CCL25: variants seen among roughly 807,000 people sequenced by gnomAD.
CCL25 encodes C-C motif chemokine 25.
CCL25 carries 14 observed loss-of-function variants against 19.9 expected under a neutral mutation model. That is an observed-to-expected ratio of 0.70 (90% CI 0.47 to 1.10). The LOEUF (loss-of-function observed/expected upper bound fraction) is 1.10. Among genes scored for constraint, CCL25 ranks in the 50% least tolerant of loss-of-function variants. CCL25 has a pLI of 0.00. For synonymous variants in CCL25, 68 were observed against 73.2 expected, an observed-to-expected ratio of 0.93 and a Z score of 0.36; for missense variants, 151 against 181.2, an observed-to-expected ratio of 0.83 and a Z score of 0.96.
Position 8,056,511 on chromosome 19 carries a change from C to T in CCL25, c.325+12C>T. On this transcript the variant is annotated intron_variant, in intron 4 of 5. Coordinates refer to ENST00000315626, the MANE Select transcript of CCL25 (RefSeq NM_005624.4). ...GCAGACCTTCCAAGGTGGGCAAGAC[C>T]TCTGCTGGGCATCTAGGGGGCCTGC... is the stretch of plus-strand genomic sequence containing the variant. 1.2e-6 allele frequency: 2 copies of T among 1,613,836 alleles called. No individual in the cohort carries two copies. The highest frequency in any genetic ancestry group is 1.7e-6 in the Non-Finnish European group (2 of 1,179,904).
At chr19:8,054,382 G>C (rs1047319443) in intron 2 of CCL25, among the ~76,000 whole-genome samples, 1 of 152,222 alleles carries the variant, frequency 6.6e-6, no homozygotes, top group East Asian at 1.9e-4. Flanking sequence ...ACTGCAGTCC[G>C]AGGTTCCAAC....
At chr19:8,062,129 G>A in intron 5 of CCL25, 89 bp from the exon 6 acceptor site, 4 of 1,279,204 alleles carry the variant, frequency 3.1e-6, no homozygotes, top group Non-Finnish European at 4.6e-6. Flanking sequence ...TTTAGGAGCT[G>A]TAGGGACTGG....
chr19:8,058,699 C>T (rs1488318405), intron 5 of CCL25, among the ~76,000 whole-genome samples: 1 of 136,964 alleles, frequency 7.3e-6, no homozygotes, highest in Non-Finnish European at 1.5e-5. Flanking sequence ...CACTCTGTTG[C>T]CCAGGCTGGA....
chr19:8,061,373 C>G (rs1345499833), intron 5 of CCL25, among the ~76,000 whole-genome samples: 1 of 151,816 alleles, frequency 6.6e-6, no homozygotes, highest in Non-Finnish European at 1.5e-5. Flanking sequence ...TCTCAAACTC[C>G]TGACCTTGTG....
intron 2 of CCL25, among the ~76,000 whole-genome samples, 178 bp downstream of exon 2, chr19:8,053,300 T>C (rs1000613529): frequency 2.0e-5 from 3 of 152,070 alleles, no homozygotes; most frequent in Non-Finnish European, 2.9e-5. Flanking sequence ...GTCGGGGAGA[T>C]GGAGAGTCCC....
chr19:8,054,065 C>T (rs761967058), intron 2 of CCL25, among the ~76,000 whole-genome samples: 10 of 152,244 alleles, frequency 6.6e-5, no homozygotes, highest in East Asian at 3.9e-4. Context: ...GGATTTCAGT[C>T]GCCAAAGGAC....
At chr19:8,058,465 GTAAA>G (rs1261320200) in intron 5 of CCL25, among the ~76,000 whole-genome samples, 1 of 69,898 alleles carries the variant, frequency 1.4e-5, no homozygotes, top group African/African-American at 6.8e-5. Context: ...ATATATATAA[GTAAA>G]TATATAATAT....
chr19:8,058,032 G>T (rs1474617269), intron 5 of CCL25, 112 bp downstream of exon 5: 3 of 1,486,906 alleles, frequency 2.0e-6, no homozygotes, highest in Admixed American at 4.1e-5. Flanking sequence ...ACCCAGGAGA[G>T]GTGGTTGTGC....
Position 8,056,380 on chromosome 19 carries a change from A to G in CCL25, c.206A>G (p.Lys69Arg). The G allele has an allele frequency of 1.9e-6, 3 of 1,613,636 alleles. No individual in the cohort carries two copies. The highest frequency in any genetic ancestry group is 2.5e-6 in the Non-Finnish European group (3 of 1,179,828). ...GCTCACCACAGATTCTACCTCCCCA[A>G]GAGACACAGGAAGGTGTGTGGGAAC... is the stretch of plus-strand genomic sequence containing the variant. ...NLPAAIFYLP[K>R]RHRKVCGNPK... is the part of the protein sequence containing the mutation. The change falls in exon 4 of 6, where the codon AAG (lysine) becomes AGG (arginine). Residue 69 changes from lysine to arginine, a missense_variant. Physicochemically the swap from Lys to Arg is conservative, Grantham distance 26 (BLOSUM62 2). Transcript: ENST00000315626.
chr19:8,058,004 AG>A (rs2081284510), intron 5 of CCL25, 84 bp downstream of exon 5: 5 of 1,539,858 alleles, frequency 3.2e-6, no homozygotes, highest in Non-Finnish European at 4.4e-6. Context: ...ACACTGGGAC[AG>A]GAGATTCACC....
At position 8,060,302 on chromosome 19, in the gene CCL25, T is replaced by C. The variant is rs117986341; in HGVS notation, c.446-1916T>C. 4.6e-3 allele frequency among the ~76,000 whole-genome samples: 703 copies of C among 152,042 alleles called. 8 individuals carry two copies. Among genetic ancestry groups the C allele is most frequent in the Non-Finnish European group, 7.2e-3 (489 of 68,002 alleles). ...GTTGCAGTGAGCTATGATCATACCA[T>C]TGGAACTTCAGCCTGGGGGACAAAA... On this transcript the variant is annotated intron_variant, in intron 5 of 5. Transcript: ENST00000315626.
chr19:8,058,303 TATATA>T (rs1453270603), intron 5 of CCL25, among the ~76,000 whole-genome samples: 1 of 133,414 alleles, frequency 7.5e-6, no homozygotes, highest in Non-Finnish European at 1.5e-5. Context: ...TATATAAACA[TATATA>T]ATATATAAGT....
At chr19:8,055,623 C>T (rs959834384) in intron 2 of CCL25, among the ~76,000 whole-genome samples, 5 of 151,544 alleles carry the variant, frequency 3.3e-5, no homozygotes, top group South Asian at 2.1e-4. Context: ...CATGAGCCAC[C>T]GCGCCCGGCC....
Position 8,056,283 on chromosome 19 carries a change from T to C in CCL25, c.191+14T>C. 2 of 356,928 alleles carry C rather than the reference T, an allele frequency of 5.6e-6. No homozygotes were observed. Among genetic ancestry groups the C allele is most frequent in the Non-Finnish European group, 9.7e-6 (2 of 206,014 alleles). 22.1% of individuals were successfully genotyped at this position (356,928 alleles called of 1,614,324 possible). A position where few individuals can be genotyped will look rare whatever the true frequency, so the allele number is the denominator to read the frequency against. ...GCCTGCTGCGATGTGAGTGGGGCCG[T>C]GGGGGCTGGGGGGGTGGGGTGCACA... is the stretch of plus-strand genomic sequence containing the variant. On this transcript the variant is annotated intron_variant, in intron 3 of 5. Transcript: ENST00000315626.
Position 8,056,226 on chromosome 19 carries a change from C to A in CCL25, c.148C>A (p.Arg50=). ...WAVLRRAWTY[R]IQEVSGSCNL... is the part of the protein sequence containing the mutation. ...TGTGCTCCGGCGCGCCTGGACTTAC[C>A]GGATCCAGGAGGTGAGCGGGAGCTG... Residue 50 remains arginine, a synonymous_variant, in exon 3 of 6, where the codon CGG becomes AGG. Coordinates refer to ENST00000315626, the MANE Select transcript of CCL25 (RefSeq NM_005624.4). 1 of 1,553,664 alleles carries A rather than the reference C, an allele frequency of 6.4e-7. No individual in the cohort carries two copies.
At position 8,062,376 on chromosome 19, in the gene CCL25, C is replaced by T. The variant is rs2081324525; in HGVS notation, c.*151C>T. The T allele has an allele frequency of 1.3e-6, 1 of 759,884 alleles. No homozygotes were observed. Among genetic ancestry groups the T allele is most frequent in the Admixed American group, 2.3e-5 (1 of 44,030 alleles). 47.1% of individuals were successfully genotyped at this position (759,884 alleles called of 1,614,324 possible). ...TGAGTTGGTCCTCCCTCTGCACCCC[C>T]ACCACCTCCTGCCCGTCTGGCAACT... On this transcript the variant is annotated 3_prime_UTR_variant, in exon 6 of 6. Transcript: ENST00000315626.
intron 2 of CCL25, among the ~76,000 whole-genome samples, chr19:8,054,632 T>C (rs2081256027): frequency 6.6e-6 from 1 of 152,008 alleles, no homozygotes; most frequent in Non-Finnish European, 1.5e-5. Context: ...TTCCACCTGC[T>C]CATCCCCCCA....
chr19:8,056,573 C>T (rs760049867), intron 4 of CCL25, 74 bp downstream of exon 4: 57 of 1,553,878 alleles, frequency 3.7e-5, no homozygotes, highest in Admixed American at 3.2e-4. Flanking sequence ...GTTCAGACCC[C>T]GAGGGAGGGA....
chr19:8,058,483 AATAT>A (rs1389100867), intron 5 of CCL25, among the ~76,000 whole-genome samples: 17 of 106,664 alleles, frequency 1.6e-4, no homozygotes, highest in Non-Finnish European at 2.1e-4. Flanking sequence ...ATAATATATA[AATAT>A]ATAATATATA....
Sources: allele counts gnomAD v4.1 joint callset (sites outside exome capture counted in the v4.1 genomes callset), GRCh38; gene constraint gnomAD v4.1.1; transcripts MANE v1.5; gene names NCBI Gene and HGNC (gene_info 2026-07-23, HGNC 2026-07-21).